Variants in LHFPL3 observed in about 807,000 individuals in gnomAD.
The protein encoded by LHFPL3 is LHFPL tetraspan subfamily member 3 protein.
A neutral mutation model predicts 19.3 loss-of-function variants in LHFPL3; 5 were observed. The observed-to-expected ratio is 0.26, with a 90% CI of 0.14 to 0.54. The LOEUF is 0.54. LHFPL3 is among the 20% of genes least tolerant of loss of function. LHFPL3 has a pLI of 0.94. For missense variants in LHFPL3, 249 were observed against 307.4 expected (o/e 0.81, Z 1.42); for synonymous variants, 133 against 126.2 (o/e 1.05, Z -0.36).
At chr7:104,826,856 C>T (rs920040228) in intron 2 of LHFPL3, 2 of 152,458 alleles carry the variant, frequency 1.3e-5, no homozygotes, top group African/African-American at 4.9e-5. Context: ...TCCTTTTTTA[C>T]CTTGGCTCTG....
intron 1 of LHFPL3, among the ~76,000 whole-genome samples, chr7:104,629,631 A>G (rs984995714): frequency 1.3e-5 from 2 of 152,182 alleles, no homozygotes; most frequent in Admixed American, 6.5e-5. Flanking sequence ...GTGCAGATAG[A>G]GTGTCTGTGT....
At chr7:104,365,930 C>T (rs573235917) in intron 1 of LHFPL3, among the ~76,000 whole-genome samples, 42 of 152,048 alleles carry the variant, frequency 2.8e-4, no homozygotes, top group Non-Finnish European at 1.0e-4. Context: ...TTTTGGAGTC[C>T]AGGAAGAACT....
At chr7:104,794,989 G>A (rs1790092335) in intron 2 of LHFPL3, among the ~76,000 whole-genome samples, 1 of 152,198 alleles carries the variant, frequency 6.6e-6, no homozygotes, top group Admixed American at 6.5e-5. Flanking sequence ...CCAACTAGGT[G>A]GTTAGCACCT....
intron 2 of LHFPL3, among the ~76,000 whole-genome samples, chr7:104,747,738 C>A (rs1447995849): frequency 6.6e-6 from 1 of 152,134 alleles, no homozygotes; most frequent in African/African-American, 2.4e-5. Flanking sequence ...CACTAAGTGA[C>A]ACCCACAGCA....
chr7:104,467,354 A>T lies in LHFPL3; in HGVS notation c.445+138130A>T, dbSNP rs115267650. Among the ~76,000 whole-genome samples, 549 of 152,320 alleles carry T rather than the reference A, an allele frequency of 3.6e-3. 5 individuals carry two copies. The highest frequency in any genetic ancestry group is 0.013 in the African/African-American group (524 of 41,582). ...TTAACTCACATCTCAGCAACTTAAT[A>T]ACATGGGGTCTACTCGAGTGTCAGT... On this transcript the variant is annotated intron_variant, in intron 1 of 2. Coordinates refer to ENST00000424859, the MANE Select transcript of LHFPL3 (RefSeq NM_199000.3).
At chr7:104,331,565 C>T (rs1268726906) in intron 1 of LHFPL3, among the ~76,000 whole-genome samples, 1 of 152,046 alleles carries the variant, frequency 6.6e-6, no homozygotes, top group Non-Finnish European at 1.5e-5. Flanking sequence ...AACAATGTTA[C>T]ATTTAACATG....
intron 1 of LHFPL3, among the ~76,000 whole-genome samples, chr7:104,501,428 T>A (rs1793596303): frequency 1.3e-5 from 2 of 152,352 alleles, no homozygotes; most frequent in Admixed American, 6.5e-5. Flanking sequence ...AAGGCAAATC[T>A]TTTTAGTTTT....
At chr7:104,829,681 T>G (rs1012777270) in intron 2 of LHFPL3, among the ~76,000 whole-genome samples, 7 of 151,938 alleles carry the variant, frequency 4.6e-5, no homozygotes, top group Admixed American at 1.3e-4. Context: ...TATGGCTGCA[T>G]AGTATTCCAT....
At chr7:104,736,553 C>T (rs1793826168) in intron 1 of LHFPL3, 122 bp from the exon 2 acceptor site, 4 of 682,134 alleles carry the variant, frequency 5.9e-6, no homozygotes, top group South Asian at 5.5e-5. Flanking sequence ...GTGAGATTTG[C>T]TGTTTTTTAA....
chr7:104,372,215 C>A (rs1364950444), intron 1 of LHFPL3, among the ~76,000 whole-genome samples: 1 of 152,184 alleles, frequency 6.6e-6, no homozygotes, highest in East Asian at 1.9e-4. Context: ...CTTGCGCAGC[C>A]TGGAGGTAAT....
chr7:104,442,483 TC>T (rs1226004459), intron 1 of LHFPL3, among the ~76,000 whole-genome samples: 6 of 152,174 alleles, frequency 3.9e-5, no homozygotes, highest in Non-Finnish European at 8.8e-5. Context: ...GAAAAAAGTA[TC>T]CAAAATCTAG....
chr7:104,823,740 T>A (rs1790723386), intron 2 of LHFPL3, among the ~76,000 whole-genome samples: 1 of 152,158 alleles, frequency 6.6e-6, no homozygotes, highest in Admixed American at 6.6e-5. Flanking sequence ...TCGCTCCGCT[T>A]CAAAGAGTAC....
At chr7:104,895,279 T>C (rs1322694270) in intron 2 of LHFPL3, 1 of 152,240 alleles carries the variant, frequency 6.6e-6, no homozygotes, top group Non-Finnish European at 1.5e-5. Context: ...GTAGAAATCT[T>C]CACCATATCA....
rs572627454 is a variant in LHFPL3 at position 104,668,555 on chromosome 7, G to T, written c.446-68120G>T. 236 of 1,613,130 alleles carry T rather than the reference G, an allele frequency of 1.5e-4. No homozygotes were observed. The African/African-American group carries it at 2.9e-3, about 20-fold the overall frequency. ...ACTATGATAGAGGCTATGATTCCCG[G>T]ATAGGCAGTGGCAGAAGAGCATTTG... On this transcript the variant is annotated intron_variant, in intron 1 of 2. Transcript: ENST00000424859.
At chr7:104,411,805 T>TA (rs1362524230) in intron 1 of LHFPL3, among the ~76,000 whole-genome samples, 1 of 152,184 alleles carries the variant, frequency 6.6e-6, no homozygotes, top group Non-Finnish European at 1.5e-5. Context: ...ATTCAGCTGT[T>TA]AAAAAAATAA....
intron 1 of LHFPL3, among the ~76,000 whole-genome samples, chr7:104,419,756 T>C (rs1344332360): frequency 6.6e-6 from 1 of 151,946 alleles, no homozygotes; most frequent in Admixed American, 6.6e-5. Context: ...ATGGTTTAGG[T>C]GAAGGAAAGG....
At chr7:104,411,851 T>C (rs765928930) in intron 1 of LHFPL3, among the ~76,000 whole-genome samples, 18 of 152,250 alleles carry the variant, frequency 1.2e-4, no homozygotes, top group Non-Finnish European at 2.4e-4. Flanking sequence ...TTTTTGGAAC[T>C]AGTTTTGCTA....
chr7:104,727,072 C>T (rs1224225611), intron 1 of LHFPL3, among the ~76,000 whole-genome samples: 3 of 152,200 alleles, frequency 2.0e-5, no homozygotes, highest in Admixed American at 6.5e-5. Flanking sequence ...ATGCATTTCT[C>T]TAATGATCAG....
At chr7:104,570,782 C>T (rs114344554) in intron 1 of LHFPL3, among the ~76,000 whole-genome samples, 2 of 152,112 alleles carry the variant, frequency 1.3e-5, no homozygotes, top group African/African-American at 4.8e-5. Flanking sequence ...TATTTCATCA[C>T]TCAGGAATTA....
Sources: gnomAD v4.1 joint callset for allele counts (sites outside exome capture counted in the v4.1 genomes callset) on GRCh38, gnomAD v4.1.1 for gene constraint, MANE v1.5 for transcripts, NCBI Gene and HGNC (gene_info 2026-07-23, HGNC 2026-07-21) for gene names.